TBX15: variants seen among roughly 807,000 people sequenced by gnomAD.
TBX15 encodes the protein T-box transcription factor TBX15.
A neutral mutation model predicts 53.9 loss-of-function variants in TBX15; 18 were observed. The observed-to-expected ratio is 0.33, with a 90% CI of 0.23 to 0.49. TBX15 has a LOEUF of 0.49. Ranked by LOEUF, TBX15 falls within the 20% of genes least tolerant of loss-of-function variation. The pLI is 0.98. For missense variants in TBX15, 692 were observed against 749.5 expected (o/e 0.92, Z 0.90); for synonymous variants, 295 against 278.0 (o/e 1.06, Z -0.61).
intron 2 of TBX15, among the ~76,000 whole-genome samples, chr1:118,928,225 A>T (rs1017637152): frequency 6.6e-5 from 10 of 152,374 alleles, no homozygotes; most frequent in African/African-American, 2.2e-4. Context: ...GAAGGATCAC[A>T]GTCCTTTAAT....
At position 118,893,318 on chromosome 1, in the gene TBX15, GA is replaced by G. The variant is rs765097192; in HGVS notation, c.1024+5709del. ...GGAAGGAAGGAAGGAAGGAAGGAAA[GA>G]AAGAAAGAAGAAAGAAGGAAGGAAG... is the stretch of plus-strand genomic sequence containing the variant. On this transcript the variant is annotated intron_variant, in intron 7 of 7. Transcript: ENST00000369429. 3.9e-3 allele frequency among the ~76,000 whole-genome samples: 473 copies of G among 121,440 alleles called. 2 individuals carry two copies. The highest frequency in any genetic ancestry group is 0.016 in the East Asian group (57 of 3,676). 79.7% of individuals were successfully genotyped at this position (121,440 alleles called of 152,430 possible).
At chr1:118,915,505 T>G (rs1490369888) in intron 5 of TBX15, among the ~76,000 whole-genome samples, 2 of 152,232 alleles carry the variant, frequency 1.3e-5, no homozygotes, top group Non-Finnish European at 2.9e-5. Context: ...TGCACACTAA[T>G]TATGCAGCAC....
chr1:118,945,804 T>C (rs1656330481), intron 1 of TBX15, among the ~76,000 whole-genome samples: 1 of 152,190 alleles, frequency 6.6e-6, no homozygotes, highest in African/African-American at 2.4e-5. Context: ...TTTTGACAGG[T>C]CAGATATTCA....
intron 7 of TBX15, among the ~76,000 whole-genome samples, chr1:118,898,009 G>A (rs1308174812): frequency 1.3e-5 from 2 of 152,194 alleles, no homozygotes; most frequent in African/African-American, 4.8e-5. Context: ...TGAAGACAAT[G>A]ATAACTAGTT....
intron 5 of TBX15, among the ~76,000 whole-genome samples, chr1:118,917,910 C>T (rs1445535032): frequency 2.0e-5 from 3 of 152,332 alleles, no homozygotes; most frequent in South Asian, 2.1e-4. Context: ...CCCATTCACA[C>T]TCCCTTGCCT....
Position 118,931,822 on chromosome 1 carries a change from C to A in TBX15, c.216G>T (p.Gln72His). 1.3e-6 allele frequency: 2 copies of A among 1,575,222 alleles called. No homozygotes were observed. Among genetic ancestry groups the A allele is most frequent in the African/African-American group, 1.3e-5 (1 of 74,550 alleles). Residue 72 changes from glutamine to histidine, a missense_variant, in exon 2 of 8, where the codon CAG becomes CAT. Physicochemically the swap from Gln to His is conservative, Grantham distance 24. This residue lies in a region of TBX15 where 307 missense variants were observed against 347.5 expected (regional missense o/e 0.88). Transcript: ENST00000369429. ...GGACCTCAGAATCTGAACCAGTGCT[C>A]TGCTCAGAATCTGCAAAATAAACAA... is the stretch of plus-strand genomic sequence containing the variant. ...HGLEPHPDSE[Q>H]STGSDSEVLT...
At chr1:118,981,002 T>C (rs1657628059) in intron 1 of TBX15, among the ~76,000 whole-genome samples, 1 of 152,036 alleles carries the variant, frequency 6.6e-6, no homozygotes, top group Admixed American at 6.6e-5. Context: ...CTGGCTAAAA[T>C]TTGTATTTTT....
intron 1 of TBX15, among the ~76,000 whole-genome samples, chr1:118,966,698 C>T (rs1377739640): frequency 3.3e-5 from 5 of 152,200 alleles, no homozygotes; most frequent in Non-Finnish European, 7.3e-5. Flanking sequence ...TCATACCTGG[C>T]TGTGATCTTG....
At chr1:118,912,881 A>C (rs1655066908) in intron 6 of TBX15, among the ~76,000 whole-genome samples, 1 of 152,190 alleles carries the variant, frequency 6.6e-6, no homozygotes, top group Non-Finnish European at 1.5e-5. Flanking sequence ...TTGACCAAAA[A>C]TATATTGCTC....
intron 6 of TBX15, among the ~76,000 whole-genome samples, chr1:118,899,780 T>C (rs1270601068): frequency 6.6e-6 from 1 of 152,188 alleles, no homozygotes; most frequent in African/African-American, 2.4e-5. Flanking sequence ...CAAATATTCA[T>C]CTGCATTTTA....
intron 1 of TBX15, among the ~76,000 whole-genome samples, chr1:118,982,890 C>A (rs1300552723): frequency 6.6e-6 from 1 of 152,184 alleles, no homozygotes; most frequent in Admixed American, 6.5e-5. Flanking sequence ...CCCAAAGTGG[C>A]AAGCTCAGAG....
intron 1 of TBX15, among the ~76,000 whole-genome samples, chr1:118,975,776 G>C (rs938061610): frequency 1.3e-5 from 2 of 152,346 alleles, no homozygotes; most frequent in African/African-American, 4.8e-5. Context: ...CTGCTGGTTA[G>C]AGTTGTGGAC....
rs1485626054 is a variant in TBX15, at chr1:118,987,831, G to A, written c.-36C>T. ...CACACCCCTGCCTCCGCTTGCCCCCGCTACCGAGGGAGCAGCCGGCGCCCT... is the reference window on the plus strand; with the variant it reads ...CACACCCCTGCCTCCGCTTGCCCCCACTACCGAGGGAGCAGCCGGCGCCCT... On this transcript the variant is annotated 5_prime_UTR_variant, in exon 1 of 8. Transcript: ENST00000369429. The A allele has an allele frequency of 6.5e-7, 1 of 1,544,324 alleles. No individual in the cohort carries two copies. Among genetic ancestry groups the A allele is most frequent in the Non-Finnish European group, 8.7e-7 (1 of 1,144,104 alleles).
intron 2 of TBX15, among the ~76,000 whole-genome samples, chr1:118,928,361 C>T (rs1655668009): frequency 6.6e-6 from 1 of 152,190 alleles, no homozygotes; most frequent in African/African-American, 2.4e-5. Flanking sequence ...CCCTACCTCA[C>T]AATTTTTATT....
In TBX15 at chr1:118,903,773, G is replaced by A. The variant is rs1571159864; in HGVS notation, c.927-4648C>T. On this transcript the variant is annotated intron_variant, in intron 6 of 7. Coordinates refer to ENST00000369429, the MANE Select transcript of TBX15 (RefSeq NM_001330677.2). ...AATATAAAGACAGAAAAGACACAGG[G>A]TCTCTACCCTTTATGACTGTCTTGT... Among the ~76,000 whole-genome samples the A allele has an allele frequency of 1.3e-5, 2 of 152,236 alleles. 1 individual carries two copies. The highest frequency in any genetic ancestry group is 4.1e-4 in the South Asian group (2 of 4,820).
chr1:118,914,968 C>A (rs1250694703), intron 5 of TBX15, among the ~76,000 whole-genome samples: 1 of 152,194 alleles, frequency 6.6e-6, no homozygotes, highest in Non-Finnish European at 1.5e-5. Context: ...AACCCCCACT[C>A]AATGCATAAG....
In TBX15 at chr1:118,987,877, G is replaced by A; in HGVS notation, c.-82C>T. 2 of 1,511,910 alleles carry A rather than the reference G, an allele frequency of 1.3e-6. No individual in the cohort carries two copies. The highest frequency in any genetic ancestry group is 1.2e-5 in the South Asian group (1 of 81,880). The allele number at this position is 1,511,910 out of a possible 1,614,324, so 93.7% of individuals were successfully genotyped here. On this transcript the variant is annotated 5_prime_UTR_variant, in exon 1 of 8. Coordinates refer to ENST00000369429, the MANE Select transcript of TBX15 (RefSeq NM_001330677.2). ...GCCCTCAAGCTCTGAGCGCCCACCG[G>A]GCCCGGCCCGGGAGAGGCGGAGGCG...
intron 5 of TBX15, 80 bp from the exon 6 acceptor site, chr1:118,914,259 C>A: frequency 7.6e-7 from 1 of 1,309,610 alleles, no homozygotes; most frequent in Non-Finnish European, 1.1e-6. Flanking sequence ...TTACAAAAAT[C>A]ACTTTTTTAA....
chr1:118,977,784 C>T (rs916235401), intron 1 of TBX15, among the ~76,000 whole-genome samples: 12 of 152,228 alleles, frequency 7.9e-5, no homozygotes, highest in African/African-American at 2.9e-4. Flanking sequence ...ATCTTGTTGA[C>T]AAGCGTTTTG....
Sources: allele counts gnomAD v4.1 joint callset (sites outside exome capture counted in the v4.1 genomes callset), GRCh38; gene constraint gnomAD v4.1.1; regional missense constraint gnomAD v4.1.1; transcripts MANE v1.5; gene names NCBI Gene and HGNC (gene_info 2026-07-23, HGNC 2026-07-21).